The following SDK1 variants were observed in gnomAD, a reference collection of about 807,000 sequenced individuals.
SDK1 encodes the protein protein sidekick-1.
A neutral mutation model predicts 245.5 loss-of-function variants in SDK1; 157 were observed. The ratio of observed to expected loss-of-function variants is 0.64; its 90% CI spans 0.56 to 0.73. SDK1 has a LOEUF of 0.73. Ranked by LOEUF, SDK1 falls within the 30% of genes least tolerant of loss-of-function variation. SDK1 has a pLI of 0.00. For synonymous variants in SDK1, 1,647 were observed against 1,278.5 expected (o/e 1.29, Z -6.15); for missense variants, 3,583 against 3,002.3 (o/e 1.19, Z -4.52).
intron 1 of SDK1, among the ~76,000 whole-genome samples, chr7:3,306,919 G>A (rs1268739981): frequency 1.3e-5 from 2 of 152,074 alleles, no homozygotes; most frequent in East Asian, 1.9e-4. Context: ...ATTAGGTCAC[G>A]GCTTAAATTT....
At chr7:3,539,402 T>A (rs1562549468) in intron 1 of SDK1, among the ~76,000 whole-genome samples, 1 of 152,164 alleles carries the variant, frequency 6.6e-6, no homozygotes, top group Non-Finnish European at 1.5e-5. Context: ...GGGATTTTAA[T>A]GGGAAAAGGA....
At chr7:3,602,285 G>A (rs1368199577) in intron 1 of SDK1, among the ~76,000 whole-genome samples, 1 of 151,124 alleles carries the variant, frequency 6.6e-6, no homozygotes, top group South Asian at 2.1e-4. Context: ...CTAGTTTACA[G>A]TCCCACCAAC....
chr7:3,335,431 T>C (rs1044120517), intron 1 of SDK1, among the ~76,000 whole-genome samples: 5 of 152,248 alleles, frequency 3.3e-5, no homozygotes, highest in Admixed American at 3.3e-4. Flanking sequence ...TTTTTTTTTT[T>C]TTTCTGTTCC....
intron 7 of SDK1, among the ~76,000 whole-genome samples, chr7:3,955,927 C>G (rs1048268682): frequency 2.6e-5 from 4 of 152,216 alleles, no homozygotes; most frequent in African/African-American, 4.8e-5. Context: ...GAGCTAGAAG[C>G]TTGCGCTGCC....
At chr7:3,870,716 C>A (rs1780934923) in intron 5 of SDK1, among the ~76,000 whole-genome samples, 1 of 152,066 alleles carries the variant, frequency 6.6e-6, no homozygotes, top group African/African-American at 2.4e-5. Context: ...TCAAAATGAA[C>A]AAATTAACAT....
chr7:3,763,556 A>G (rs573421925), intron 4 of SDK1, among the ~76,000 whole-genome samples: 16 of 152,350 alleles, frequency 1.1e-4, no homozygotes, highest in Non-Finnish European at 1.5e-4. Flanking sequence ...ACACTTCACC[A>G]TGCATATCAT....
intron 4 of SDK1, among the ~76,000 whole-genome samples, chr7:3,644,845 G>A (rs983950114): frequency 6.8e-6 from 1 of 146,996 alleles, no homozygotes; most frequent in African/African-American, 2.5e-5. Flanking sequence ...ATACATTCTT[G>A]TATAAATATT....
chr7:3,707,424 G>A (rs1172261023), intron 4 of SDK1, among the ~76,000 whole-genome samples: 1 of 152,194 alleles, frequency 6.6e-6, no homozygotes, highest in Admixed American at 6.5e-5. Flanking sequence ...TACTTGAAGT[G>A]ATTTTGATTT....
At chr7:4,205,631 C>T (rs1425396571) in intron 35 of SDK1, among the ~76,000 whole-genome samples, 2 of 152,164 alleles carry the variant, frequency 1.3e-5, no homozygotes, top group Non-Finnish European at 2.9e-5. Context: ...TTAAGAACAT[C>T]GTATGGGAAG....
intron 5 of SDK1, among the ~76,000 whole-genome samples, chr7:3,934,553 C>A (rs1425728942): frequency 6.6e-6 from 1 of 152,238 alleles, no homozygotes; most frequent in Non-Finnish European, 1.5e-5. Context: ...GTGTTGATGT[C>A]TATTTGGAAA....
At chr7:4,205,819 AG>A in intron 35 of SDK1, 59 bp from the exon 36 acceptor site, 1 of 1,358,386 alleles carries the variant, frequency 7.4e-7, no homozygotes, top group East Asian at 2.5e-5. Context: ...CATGTGGGCG[AG>A]GGTCCGGGCC....
intron 1 of SDK1, among the ~76,000 whole-genome samples, chr7:3,458,623 T>C (rs1780741340): frequency 6.6e-6 from 1 of 152,086 alleles, no homozygotes; most frequent in Non-Finnish European, 1.5e-5. Flanking sequence ...CTGGAATGGA[T>C]TTTTACAATT....
intron 1 of SDK1, among the ~76,000 whole-genome samples, chr7:3,468,669 AG>A (rs1781087706): frequency 1.3e-5 from 2 of 152,212 alleles, no homozygotes; most frequent in African/African-American, 4.8e-5. Context: ...CAGAGAGGCC[AG>A]GAAGAATCCT....
intron 1 of SDK1, among the ~76,000 whole-genome samples, chr7:3,329,625 G>C (rs943557976): frequency 6.6e-6 from 1 of 152,050 alleles, no homozygotes; most frequent in Non-Finnish European, 1.5e-5. Flanking sequence ...GAATCATCCG[G>C]GATGTCATTT....
intron 1 of SDK1, among the ~76,000 whole-genome samples, chr7:3,609,901 G>T (rs568196948): frequency 1.3e-5 from 2 of 149,504 alleles, no homozygotes; most frequent in Admixed American, 6.7e-5. Flanking sequence ...GGGTCTTGCC[G>T]TGTTGGCCAG....
In SDK1 at chr7:3,477,516, C is replaced by CTT. The variant is rs575753517; in HGVS notation, c.299-141552_299-141551dup. ...CTATGGTTTTGTTTCTTTCTTTTTTCTTTTTTTTTTTTTAAGAGATGGGGG... is the reference window on the plus strand; with the variant it reads ...CTATGGTTTTGTTTCTTTCTTTTTTCTTTTTTTTTTTTTTTAAGAGATGGGGG... On this transcript the variant is annotated intron_variant, in intron 1 of 44. Transcript: ENST00000404826. Among the ~76,000 whole-genome samples the CTT allele has an allele frequency of 4.6e-3, 625 of 134,520 alleles. 7 individuals carry two copies. The highest frequency in any genetic ancestry group is 0.019 in the South Asian group (78 of 4,090). The allele number at this position is 134,520 out of a possible 152,430, so 88.3% of individuals were successfully genotyped here.
intron 1 of SDK1, chr7:3,338,414 C>G (rs1348300820): frequency 1.9e-6 from 1 of 527,680 alleles, no homozygotes; most frequent in East Asian, 5.0e-5. Context: ...ACATTAAGCA[C>G]TCTTAAGAGC....
In SDK1 at chr7:4,195,932, C is replaced by T. The variant is rs137922967; in HGVS notation, c.5099-9947C>T. Among the ~76,000 whole-genome samples, 38 of 152,304 alleles carry T rather than the reference C, an allele frequency of 2.5e-4. 1 individual carries two copies. Among genetic ancestry groups the T allele is most frequent in the Admixed American group, 1.8e-3 (27 of 15,300 alleles). On this transcript the variant is annotated intron_variant, in intron 35 of 44. Coordinates refer to ENST00000404826, the MANE Select transcript of SDK1 (RefSeq NM_152744.4). ...CATGACAGAAACCCCAGCCTCAGCCCAAGTCTCTCCACCACACCCACGCAT... is the reference window on the plus strand; with the variant it reads ...CATGACAGAAACCCCAGCCTCAGCCTAAGTCTCTCCACCACACCCACGCAT...
chr7:3,461,178 G>C (rs1014226538), intron 1 of SDK1, among the ~76,000 whole-genome samples: 2 of 152,128 alleles, frequency 1.3e-5, no homozygotes, highest in African/African-American at 4.8e-5. Flanking sequence ...GCAGACCCTA[G>C]GACCCAGCAT....
Sources: allele counts gnomAD v4.1 joint callset (sites outside exome capture counted in the v4.1 genomes callset), GRCh38; gene constraint gnomAD v4.1.1; transcripts MANE v1.5; gene names NCBI Gene and HGNC (gene_info 2026-07-23, HGNC 2026-07-21).